Variants in TSHZ2 observed in about 807,000 individuals in gnomAD.
The protein encoded by TSHZ2 is teashirt zinc finger homeobox 2, also known as teashirt homolog 2.
A neutral mutation model predicts 74.4 loss-of-function variants in TSHZ2; 21 were observed. The observed-to-expected ratio is 0.28, with a 90% CI of 0.20 to 0.41. The LOEUF (loss-of-function observed/expected upper bound fraction) is 0.41. TSHZ2 is among the 10% of genes least tolerant of loss of function. The pLI, the probability that TSHZ2 is intolerant of heterozygous loss-of-function variation, is 1.00. For missense variants in TSHZ2, 1,244 were observed against 1,293.5 expected, an observed-to-expected ratio of 0.96 and a Z score of 0.59; for synonymous variants, 540 against 515.3, an observed-to-expected ratio of 1.05 and a Z score of -0.65.
chr20:53,461,719 C>T (rs938996806), intron 2 of TSHZ2, among the ~76,000 whole-genome samples: 1 of 152,206 alleles, frequency 6.6e-6, no homozygotes. Context: ...ACATCCCATT[C>T]TCTTCTGAGA....
At chr20:53,442,598 C>A (rs1056162956) in intron 2 of TSHZ2, among the ~76,000 whole-genome samples, 1 of 152,140 alleles carries the variant, frequency 6.6e-6, no homozygotes, top group Non-Finnish European at 1.5e-5. Flanking sequence ...CTGCGAACCC[C>A]CCATCACTCT....
intron 1 of TSHZ2, among the ~76,000 whole-genome samples, chr20:52,981,876 G>C (rs2122880780): frequency 6.6e-6 from 1 of 152,330 alleles, no homozygotes; most frequent in East Asian, 1.9e-4. Flanking sequence ...GTTATTTCTT[G>C]AGTTCCTACT....
At chr20:53,405,759 G>A (rs2145687274) in intron 2 of TSHZ2, among the ~76,000 whole-genome samples, 1 of 152,280 alleles carries the variant, frequency 6.6e-6, no homozygotes, top group Admixed American at 6.5e-5. Flanking sequence ...ATTTCAGGAG[G>A]CCAAGGTGGG....
chr20:53,075,319 A>C (rs1985333643), intron 1 of TSHZ2, among the ~76,000 whole-genome samples: 1 of 152,212 alleles, frequency 6.6e-6, no homozygotes, highest in South Asian at 2.1e-4. Flanking sequence ...TTACCATTTT[A>C]ATAGCCTGTG....
intron 2 of TSHZ2, among the ~76,000 whole-genome samples, chr20:53,341,123 A>T (rs960804163): frequency 6.6e-5 from 10 of 152,314 alleles, no homozygotes; most frequent in African/African-American, 2.4e-4. Flanking sequence ...CCTGGCACAT[A>T]GTAGATGCTC....
intron 1 of TSHZ2, among the ~76,000 whole-genome samples, chr20:53,025,552 C>T (rs562980024): frequency 3.9e-5 from 6 of 152,320 alleles, no homozygotes; most frequent in African/African-American, 1.4e-4. Context: ...CAGCCCTCCA[C>T]CTTGATGAAC....
intron 1 of TSHZ2, among the ~76,000 whole-genome samples, chr20:53,072,800 G>A (rs1448470964): frequency 2.6e-5 from 4 of 152,112 alleles, no homozygotes; most frequent in Non-Finnish European, 5.9e-5. Context: ...CTGGGGGGTC[G>A]AGGCAGGTAA....
intron 2 of TSHZ2, among the ~76,000 whole-genome samples, chr20:53,409,101 A>G (rs1279913475): frequency 2.0e-5 from 3 of 152,200 alleles, no homozygotes; most frequent in Non-Finnish European, 2.9e-5. Flanking sequence ...TGTTTACTGT[A>G]TCATATTGCT....
At chr20:53,056,087 A>G (rs1249309341) in intron 1 of TSHZ2, among the ~76,000 whole-genome samples, 1 of 152,230 alleles carries the variant, frequency 6.6e-6, no homozygotes, top group African/African-American at 2.4e-5. Flanking sequence ...TACTCTTAGA[A>G]TCTGAGCTCC....
intron 2 of TSHZ2, among the ~76,000 whole-genome samples, chr20:53,466,084 T>C (rs948987114): frequency 6.6e-6 from 1 of 151,446 alleles, no homozygotes; most frequent in African/African-American, 2.4e-5. Flanking sequence ...CCGTCTCTAC[T>C]AAAAATACAA....
At position 53,469,627 on chromosome 20, in the gene TSHZ2, AGG is replaced by A. The variant is rs1568931914; in HGVS notation, c.*9-17515_*9-17514del. Among the ~76,000 whole-genome samples, 3 of 61,954 alleles carry A rather than the reference AGG, an allele frequency of 4.8e-5. 1 individual carries two copies. The East Asian group carries it at 1.8e-3, about 38-fold the overall frequency. 40.6% of individuals were successfully genotyped at this position (61,954 alleles called of 152,430 possible). On this transcript the variant is annotated intron_variant, in intron 2 of 2. Coordinates refer to ENST00000371497, the MANE Select transcript of TSHZ2 (RefSeq NM_173485.6). ...AAGAAAGATAGATAGAGAGGGAGGA[AGG>A]GAGGGAGGAAGGAAGGAAGGAAGGA... is the stretch of plus-strand genomic sequence containing the variant.
chr20:53,324,222 G>T lies in TSHZ2; in HGVS notation c.*8+67651G>T, dbSNP rs1961172176. Among the ~76,000 whole-genome samples the T allele has an allele frequency of 2.6e-5, 4 of 152,254 alleles. No homozygotes were observed. In the South Asian group the frequency reaches 8.3e-4, roughly 32 times the overall value. On this transcript the variant is annotated intron_variant, in intron 2 of 2. Coordinates refer to ENST00000371497, the MANE Select transcript of TSHZ2 (RefSeq NM_173485.6). The stretch of plus-strand genomic sequence containing the variant: ...CCTAAGATAGAGATATATGAGTGAG[G>T]TTTTTGTGTCTCGGAATCATCAGAG...
chr20:53,068,380 C>G (rs535366449), intron 1 of TSHZ2, among the ~76,000 whole-genome samples: 1 of 152,146 alleles, frequency 6.6e-6, no homozygotes, highest in Non-Finnish European at 1.5e-5. Context: ...CCAAACTCCA[C>G]TGGACTTCTC....
intron 1 of TSHZ2, among the ~76,000 whole-genome samples, chr20:53,119,796 G>A (rs1986762650): frequency 6.6e-6 from 1 of 152,142 alleles, no homozygotes; most frequent in Non-Finnish European, 1.5e-5. Flanking sequence ...TCCATTGAAT[G>A]GCATAGCTCT....
At chr20:53,158,909 T>G (rs1170623174) in intron 1 of TSHZ2, among the ~76,000 whole-genome samples, 1 of 152,266 alleles carries the variant, frequency 6.6e-6, no homozygotes, top group African/African-American at 2.4e-5. Flanking sequence ...TCTTTAAACC[T>G]TAAAACATTC....
At chr20:53,436,545 A>ATTTTTTTTTTTT (rs1430483512) in intron 2 of TSHZ2, among the ~76,000 whole-genome samples, 1 of 101,986 alleles carries the variant, frequency 9.8e-6, no homozygotes, top group African/African-American at 4.1e-5. Context: ...TATTATTATT[A>ATTTTTTTTTTTT]TTATTTTTTT....
rs187377182 is a variant in TSHZ2, at chr20:53,148,010, G to A, written c.41-105489G>A. Among the ~76,000 whole-genome samples the A allele has an allele frequency of 7.6e-4, 115 of 152,274 alleles. 1 individual carries two copies. Among genetic ancestry groups the A allele is most frequent in the African/African-American group, 2.6e-3 (109 of 41,550 alleles). On this transcript the variant is annotated intron_variant, in intron 1 of 2. Transcript: ENST00000371497. ...ATTACAGGCGTGAGCCACCATGCCC[G>A]GCCAGTGGGTCTATGTCTTATAACA...
rs1450475775 is a variant in TSHZ2, at chr20:53,005,845, TTAAGA to T, written c.40+32522_40+32526del. Among the ~76,000 whole-genome samples the T allele has an allele frequency of 3.9e-5, 6 of 152,298 alleles. No individual in the cohort carries two copies. The East Asian group carries it at 5.8e-4, about 15-fold the overall frequency. On this transcript the variant is annotated intron_variant, in intron 1 of 2. Coordinates refer to ENST00000371497, the MANE Select transcript of TSHZ2 (RefSeq NM_173485.6). ...CTCTGTTTTGAGAAATCTATGAAAT[TTAAGA>T]TAAGATAAGCCCATTGGGTTAATAG...
At chr20:52,995,518 T>C (rs1982149751) in intron 1 of TSHZ2, among the ~76,000 whole-genome samples, 1 of 152,132 alleles carries the variant, frequency 6.6e-6, no homozygotes, top group Admixed American at 6.5e-5. Flanking sequence ...GCAGAGTCCA[T>C]AGCTGTCCAC....
Sources: gnomAD v4.1 joint callset for allele counts (sites outside exome capture counted in the v4.1 genomes callset) on GRCh38, gnomAD v4.1.1 for gene constraint, MANE v1.5 for transcripts, NCBI Gene and HGNC (gene_info 2026-07-23, HGNC 2026-07-21) for gene names.